KCNC2: variants seen among roughly 807,000 people sequenced by gnomAD.
KCNC2 encodes voltage-gated potassium channel KCNC2.
Under a neutral mutation model 44.5 loss-of-function variants are expected in KCNC2, and 21 were observed. That is an observed-to-expected ratio of 0.47 (90% CI 0.33 to 0.68). The LOEUF is 0.68. Ranked by LOEUF, KCNC2 falls within the 30% of genes least tolerant of loss-of-function variation. The probability of loss-of-function intolerance (pLI) is 0.01; values close to 1 mark genes in which losing one functional copy is unlikely to be tolerated. For synonymous variants in KCNC2, 391 were observed against 339.1 expected, an observed-to-expected ratio of 1.15 and a Z score of -1.68; for missense variants, 589 against 826.2, an observed-to-expected ratio of 0.71 and a Z score of 3.52.
At chr12:75,177,059 C>T (rs375863595) in intron 2 of KCNC2, among the ~76,000 whole-genome samples, 17 of 121,700 alleles carry the variant, frequency 1.4e-4, no homozygotes, top group African/African-American at 4.4e-4. Flanking sequence ...TATATATATA[C>T]ACACACACAC....
intron 2 of KCNC2, among the ~76,000 whole-genome samples, chr12:75,147,810 C>A (rs1486446543): frequency 6.6e-6 from 1 of 152,040 alleles, no homozygotes. Flanking sequence ...CCAAAGTAAC[C>A]TAGTTTTCAG....
intron 2 of KCNC2, among the ~76,000 whole-genome samples, chr12:75,192,244 A>G (rs1395816041): frequency 6.6e-6 from 1 of 152,176 alleles, no homozygotes; most frequent in African/African-American, 2.4e-5. Context: ...CGCAACATCC[A>G]TTCTTCAGCA....
intron 2 of KCNC2, among the ~76,000 whole-genome samples, chr12:75,152,688 G>A (rs1890487619): frequency 6.6e-6 from 1 of 151,926 alleles, no homozygotes; most frequent in South Asian, 2.1e-4. Context: ...CATTTAGGGT[G>A]GGAAGTAAAC....
chr12:75,207,761 C>G lies in KCNC2; in HGVS notation c.223G>C (p.Gly75Arg). 6.4e-7 allele frequency: 1 copy of G among 1,571,994 alleles called. No homozygotes were observed. Among genetic ancestry groups the G allele is most frequent in the South Asian group, 1.1e-5 (1 of 87,500 alleles). ...CCCGCGCCGCCCTCGAAGCAGCCGCCTGGCCCGGGGGACAGCGGGGGCGCT... is the reference window on the plus strand; with the variant it reads ...CCCGCGCCGCCCTCGAAGCAGCCGCGTGGCCCGGGGGACAGCGGGGGCGCT... ...PRAPPLSPGP[G>R]GCFEGGAGNC... The change falls in exon 2 of 5, where the codon GGC (glycine) becomes CGC (arginine). Residue 75 changes from glycine (G) to arginine (R), a missense_variant. Physicochemically the swap from Gly to Arg is moderately radical, Grantham distance 125 (BLOSUM62 -2). Transcript: ENST00000549446. The surrounding 1 kb of genome is among the most constrained non-coding windows in gnomAD (Gnocchi z 4.1).
chr12:75,098,354 GA>G (rs2137165249), intron 2 of KCNC2, among the ~76,000 whole-genome samples: 1 of 152,224 alleles, frequency 6.6e-6, no homozygotes, highest in African/African-American at 2.4e-5. Flanking sequence ...CTGGTTGGTT[GA>G]TTTAGGTTTT....
chr12:75,122,502 A>G (rs566587971), intron 2 of KCNC2, among the ~76,000 whole-genome samples: 1 of 152,228 alleles, frequency 6.6e-6, no homozygotes, highest in Non-Finnish European at 1.5e-5. Flanking sequence ...GATCTTAGAC[A>G]TTCATTAATC....
Position 75,040,657 on chromosome 12 carries a change from C to T in KCNC2, c.*2448G>A, listed in dbSNP as rs1592740134. The T allele has an allele frequency of 6.4e-6, 1 of 157,414 alleles. No individual in the cohort carries two copies. The highest frequency in any genetic ancestry group is 2.4e-5 in the African/African-American group (1 of 41,604). The allele number at this position is 157,414 out of a possible 1,614,324, so 9.8% of individuals were successfully genotyped here. On this transcript the variant is annotated 3_prime_UTR_variant, in exon 5 of 5. Transcript: ENST00000549446. ...ATAGGTCATTTTTGATAAATGAATA[C>T]TAACAATTTCACAACATAATTGACA...
intron 2 of KCNC2, among the ~76,000 whole-genome samples, chr12:75,188,497 T>G (rs1979291): frequency 0.078 from 11,922 of 152,248 alleles, 545 homozygotes; most frequent in Admixed American, 0.14. Flanking sequence ...ATTAAAAATA[T>G]TTATTTACTA....
chr12:75,060,091 G>T (rs562283496), intron 2 of KCNC2, among the ~76,000 whole-genome samples: 1 of 152,188 alleles, frequency 6.6e-6, no homozygotes, highest in South Asian at 2.1e-4. Context: ...ATTTTCAAGA[G>T]AACGTCAATT....
At chr12:75,094,107 G>C (rs189842511) in intron 2 of KCNC2, among the ~76,000 whole-genome samples, 2 of 151,770 alleles carry the variant, frequency 1.3e-5, no homozygotes, top group Admixed American at 6.6e-5. Context: ...TGCACATTTA[G>C]ATACTGGTTC....
chr12:75,082,279 GTAA>G (rs938804518), intron 2 of KCNC2, among the ~76,000 whole-genome samples: 1 of 151,728 alleles, frequency 6.6e-6, no homozygotes, highest in Non-Finnish European at 1.5e-5. Flanking sequence ...AATTCATGAA[GTAA>G]TAATAATAAC....
intron 3 of KCNC2, among the ~76,000 whole-genome samples, chr12:75,048,778 A>C (rs1033623277): frequency 6.6e-6 from 1 of 152,138 alleles, no homozygotes. Context: ...ATTGTGTCCA[A>C]AACTCTTAAT....
intron 2 of KCNC2, among the ~76,000 whole-genome samples, chr12:75,195,187 AT>A (rs1219749688): frequency 3.3e-5 from 5 of 152,154 alleles, no homozygotes; most frequent in African/African-American, 1.2e-4. Flanking sequence ...TAGTAGCAAT[AT>A]AAAGCCTGTA....
intron 2 of KCNC2, among the ~76,000 whole-genome samples, chr12:75,077,779 A>G (rs1884131719): frequency 6.6e-6 from 1 of 152,198 alleles, no homozygotes; most frequent in Admixed American, 6.5e-5. Context: ...TATGTTATAC[A>G]GAGATACAGT....
intron 2 of KCNC2, among the ~76,000 whole-genome samples, chr12:75,084,027 T>C (rs977055338): frequency 6.6e-6 from 1 of 151,982 alleles, no homozygotes; most frequent in Admixed American, 6.6e-5. Flanking sequence ...TAGAATCTTC[T>C]GTTTAATTTT....
At chr12:75,151,303 G>A (rs1890376337) in intron 2 of KCNC2, among the ~76,000 whole-genome samples, 1 of 151,992 alleles carries the variant, frequency 6.6e-6, no homozygotes, top group Admixed American at 6.6e-5. Context: ...TGTAACCACA[G>A]AATAGTCTTC....
chr12:75,084,269 T>TAGA (rs1555207730), intron 2 of KCNC2, among the ~76,000 whole-genome samples: 2,506 of 120,274 alleles, frequency 0.021, 123 homozygotes, highest in African/African-American at 0.083. Context: ...GATAGATAGA[T>TAGA]TAGATAGATA....
chr12:75,097,095 C>CA (rs917362213), intron 2 of KCNC2, among the ~76,000 whole-genome samples: 4 of 151,282 alleles, frequency 2.6e-5, no homozygotes, highest in Admixed American at 6.6e-5. Context: ...CAACAAACCA[C>CA]AAAAAAAATT....
In KCNC2 at chr12:75,207,006, G is replaced by A. The variant is rs1357196040; in HGVS notation, c.687+291C>T. ...ATCCTCATACCCGTTTCAGGACAGG[G>A]TCCAAAGACGTGCACAGAAAAGTCG... On this transcript the variant is annotated intron_variant, in intron 2 of 4. Transcript: ENST00000549446. This position sits in a 1 kb window ranked among gnomAD's most constrained non-coding sequence, Gnocchi z 4.1. Among the ~76,000 whole-genome samples the A allele has an allele frequency of 1.3e-5, 2 of 152,188 alleles. No homozygotes were observed. The highest frequency in any genetic ancestry group is 3.9e-4 in the East Asian group (2 of 5,192).
Sources: allele counts gnomAD v4.1 joint callset (sites outside exome capture counted in the v4.1 genomes callset), GRCh38; gene constraint gnomAD v4.1.1; non-coding constraint Gnocchi (gnomAD v3.1); transcripts MANE v1.5; gene names NCBI Gene and HGNC (gene_info 2026-07-23, HGNC 2026-07-21).